GALNT15: variants seen among roughly 807,000 people sequenced by gnomAD.
The protein encoded by GALNT15 is UDP-GalNAc transferase T15.
GALNT15 carries 67 observed loss-of-function variants against 66.8 expected under a neutral mutation model. That is an observed-to-expected ratio of 1.00 (90% CI 0.82 to 1.23). The LOEUF (loss-of-function observed/expected upper bound fraction) is 1.23, where lower values mean the gene tolerates loss of function less well. Ranked by LOEUF, GALNT15 falls within the 50% of genes most tolerant of loss-of-function variation. GALNT15 has a pLI of 0.00. For synonymous variants in GALNT15, 313 were observed against 311.5 expected, an observed-to-expected ratio of 1.00 and a Z score of -0.05; for missense variants, 827 against 804.3, an observed-to-expected ratio of 1.03 and a Z score of -0.34.
intron 1 of GALNT15, among the ~76,000 whole-genome samples, chr3:16,190,322 C>T (rs935636735): frequency 1.3e-5 from 2 of 152,180 alleles, no homozygotes; most frequent in Non-Finnish European, 2.9e-5. Context: ...CAGGCTCCCC[C>T]TCCAGCCCAC....
the GALNT15 span, among the ~76,000 whole-genome samples, chr3:16,238,195 A>G: frequency 6.6e-6 from 1 of 152,204 alleles, no homozygotes; most frequent in African/African-American, 2.4e-5. This position sits in a 1 kb window ranked among gnomAD's most constrained non-coding sequence, Gnocchi z 4.8. Context: ...AGAAAAAACC[A>G]GGAGTTAGGA....
At chr3:16,196,243 C>T (rs113974054) in intron 2 of GALNT15, among the ~76,000 whole-genome samples, 2 of 152,144 alleles carry the variant, frequency 1.3e-5, no homozygotes, top group African/African-American at 4.8e-5. Flanking sequence ...CAACAATCCT[C>T]TCTCCAAGAC....
rs1197042680 is a variant in GALNT15, at chr3:16,195,968, C to A, written c.706+42C>A. 6 of 1,597,306 alleles carry A rather than the reference C, an allele frequency of 3.8e-6. No individual in the cohort carries two copies. Among genetic ancestry groups the A allele is most frequent in the Non-Finnish European group, 5.1e-6 (6 of 1,168,770 alleles). On this transcript the variant is annotated intron_variant, in intron 2 of 9. Coordinates refer to ENST00000339732, the MANE Select transcript of GALNT15 (RefSeq NM_054110.5). This position sits in a 1 kb window ranked among gnomAD's most constrained non-coding sequence, Gnocchi z 4.6. ...TCCAGGCTCGTCTGGGTGAGCCTTACCCCCTGGCGGGTGGAGTTCTCAAGC... is the reference window on the plus strand; with the variant it reads ...TCCAGGCTCGTCTGGGTGAGCCTTAACCCCTGGCGGGTGGAGTTCTCAAGC...
chr3:16,237,614 A>G, the GALNT15 span, among the ~76,000 whole-genome samples: 1 of 152,230 alleles, frequency 6.6e-6, no homozygotes, highest in Non-Finnish European at 1.5e-5. The surrounding 1 kb of genome is among the most constrained non-coding windows in gnomAD (Gnocchi z 4.2). Context: ...TGGAAGCCAC[A>G]GTTGAGGCCT....
chr3:16,205,018 C>G (rs1042777038), intron 3 of GALNT15, among the ~76,000 whole-genome samples: 5 of 152,298 alleles, frequency 3.3e-5, no homozygotes, highest in African/African-American at 2.4e-5. Flanking sequence ...TCCTGCCCCC[C>G]CAGAGGGAGC....
downstream of GALNT15, among the ~76,000 whole-genome samples, chr3:16,234,200 C>G (rs1698295784): frequency 1.3e-5 from 2 of 152,198 alleles, no homozygotes; most frequent in Admixed American, 6.5e-5. Flanking sequence ...CCTCTAACAC[C>G]AGAGGCTATA....
Position 16,186,067 on chromosome 3 carries a change from C to T in GALNT15, c.540-9693C>T, listed in dbSNP as rs2063513901. Among the ~76,000 whole-genome samples, 1 of 151,924 alleles carries T rather than the reference C, an allele frequency of 6.6e-6. No individual in the cohort carries two copies. Among genetic ancestry groups the T allele is most frequent in the African/African-American group, 2.4e-5 (1 of 41,336 alleles). ...CTATATTGCATAAGAGATTTGTATCCAAAATACAAAAAGAACCCTTACAAC... is the reference window on the plus strand; with the variant it reads ...CTATATTGCATAAGAGATTTGTATCTAAAATACAAAAAGAACCCTTACAAC... On this transcript the variant is annotated intron_variant, in intron 1 of 9. Coordinates refer to ENST00000339732, the MANE Select transcript of GALNT15 (RefSeq NM_054110.5). The surrounding 1 kb of genome is among the most constrained non-coding windows in gnomAD (Gnocchi z 5.1).
rs529155417 is a variant in GALNT15, at chr3:16,180,762, C to T, written c.539+5072C>T. Reference sequence around the variant, plus strand: ...ATGGCCCCGGCAGTTTGTCCCTAAACATAAATGTCAACTCAGCGGTAGCTG... The same window carrying T: ...ATGGCCCCGGCAGTTTGTCCCTAAATATAAATGTCAACTCAGCGGTAGCTG... On this transcript the variant is annotated intron_variant, in intron 1 of 9. Transcript: ENST00000339732. This position sits in a 1 kb window ranked among gnomAD's most constrained non-coding sequence, Gnocchi z 5.0. Among the ~76,000 whole-genome samples the T allele has an allele frequency of 3.9e-5, 6 of 152,356 alleles. No individual in the cohort carries two copies. In the South Asian group the frequency reaches 6.2e-4, roughly 16 times the overall value.
chr3:16,226,841 C>T (rs2064025429), intron 9 of GALNT15, among the ~76,000 whole-genome samples: 1 of 152,152 alleles, frequency 6.6e-6, no homozygotes, highest in Admixed American at 6.5e-5. Context: ...AGATTGGAGT[C>T]AATATTAAAT....
At position 16,211,079 on chromosome 3, in the gene GALNT15, C is replaced by T. The variant is rs1327024322; in HGVS notation, c.1080-45C>T. ...CCAGCCCCCAGCCTCGCCTGCTGTGCTCTGGGTTCTGAACTGCAGTGTCCT... is the reference window on the plus strand; with the variant it reads ...CCAGCCCCCAGCCTCGCCTGCTGTGTTCTGGGTTCTGAACTGCAGTGTCCT... On this transcript the variant is annotated intron_variant, in intron 4 of 9. Transcript: ENST00000339732. The surrounding 1 kb of genome is among the most constrained non-coding windows in gnomAD (Gnocchi z 4.3). 1.4e-6 allele frequency: 2 copies of T among 1,427,430 alleles called. No homozygotes were observed. The highest frequency in any genetic ancestry group is 3.4e-5 in the Admixed American group (2 of 59,640). 88.4% of individuals were successfully genotyped at this position (1,427,430 alleles called of 1,614,324 possible).
intron 2 of GALNT15, among the ~76,000 whole-genome samples, chr3:16,197,131 G>A (rs763992006): frequency 3.9e-5 from 6 of 152,212 alleles, no homozygotes; most frequent in East Asian, 1.9e-4. Context: ...GGCGGGGTCC[G>A]CCCAAGAGCA....
chr3:16,185,323 A>T (rs2063506423), intron 1 of GALNT15, among the ~76,000 whole-genome samples: 2 of 152,216 alleles, frequency 1.3e-5, no homozygotes, highest in Non-Finnish European at 1.5e-5. Flanking sequence ...TGTATTCTTC[A>T]TGAGGAGGAA....
At position 16,203,958 on chromosome 3, in the gene GALNT15, C is replaced by T. The variant is rs373958985; in HGVS notation, c.911+3135C>T. On this transcript the variant is annotated intron_variant, in intron 3 of 9. Transcript: ENST00000339732. This position sits in a 1 kb window ranked among gnomAD's most constrained non-coding sequence, Gnocchi z 6.2. The stretch of plus-strand genomic sequence containing the variant: ...CTCCTCACATGGAGAGGAGAGGGGG[C>T]CCAGCTGTCTCCAAGGCTTGTGTCA... Among the ~76,000 whole-genome samples the T allele has an allele frequency of 3.2e-4, 49 of 152,114 alleles. No homozygotes were observed. The East Asian group carries it at 3.3e-3, about 10-fold the overall frequency.
chr3:16,240,229 C>A, the GALNT15 span, among the ~76,000 whole-genome samples: 1 of 152,134 alleles, frequency 6.6e-6, no homozygotes, highest in Non-Finnish European at 1.5e-5. Context: ...TTATAATGCC[C>A]TTTCCAGAGT....
At chr3:16,232,469 A>AATAT (rs374444719), downstream of GALNT15, among the ~76,000 whole-genome samples, 144 of 38,700 alleles carry the variant, frequency 3.7e-3, 3 homozygotes, top group Non-Finnish European at 6.1e-3. Context: ...TAAATAAATA[A>AATAT]ATATATATAT....
At chr3:16,202,715 C>T (rs549273375) in intron 3 of GALNT15, among the ~76,000 whole-genome samples, 4 of 152,236 alleles carry the variant, frequency 2.6e-5, no homozygotes, top group East Asian at 1.9e-4. Flanking sequence ...GAAATCAGAG[C>T]GATGTCTATC....
chr3:16,217,254 C>G (rs747811723), intron 6 of GALNT15, among the ~76,000 whole-genome samples: 1 of 152,134 alleles, frequency 6.6e-6, no homozygotes, highest in African/African-American at 2.4e-5. Flanking sequence ...CTTCTTATAT[C>G]CATTTGGGTG....
At position 16,195,267 on chromosome 3, in the gene GALNT15, A is replaced by T. The variant is rs146106563; in HGVS notation, c.540-493A>T. Among the ~76,000 whole-genome samples, 1 of 152,320 alleles carries T rather than the reference A, an allele frequency of 6.6e-6. No individual in the cohort carries two copies. Among genetic ancestry groups the T allele is most frequent in the Non-Finnish European group, 1.5e-5 (1 of 68,024 alleles). On this transcript the variant is annotated intron_variant, in intron 1 of 9. Coordinates refer to ENST00000339732, the MANE Select transcript of GALNT15 (RefSeq NM_054110.5). The surrounding 1 kb of genome is among the most constrained non-coding windows in gnomAD (Gnocchi z 4.6). The stretch of plus-strand genomic sequence containing the variant: ...GCCAAAGACTAGAGCAGAGGTTCTC[A>T]AAGTGTGGTCCACAGAAAACAGCAG...
rs1164976010 is a variant in GALNT15 at position 16,203,543 on chromosome 3, TCACACACACACACACACACACA to T, written c.911+2745_911+2766del. Among the ~76,000 whole-genome samples the T allele has an allele frequency of 1.6e-5, 1 of 61,106 alleles. No individual in the cohort carries two copies. Among genetic ancestry groups the T allele is most frequent in the African/African-American group, 5.5e-5 (1 of 18,252 alleles). 40.1% of individuals were successfully genotyped at this position (61,106 alleles called of 152,430 possible). On this transcript the variant is annotated intron_variant, in intron 3 of 9. Transcript: ENST00000339732. The surrounding 1 kb of genome is among the most constrained non-coding windows in gnomAD (Gnocchi z 6.2). The stretch of plus-strand genomic sequence containing the variant: ...CATTCTCTCTCTCTCTCTCTCTCTC[TCACACACACACACACACACACA>T]CACACACACACACACACACACACAG...
Sources: allele counts gnomAD v4.1 joint callset (sites outside exome capture counted in the v4.1 genomes callset), GRCh38; gene constraint gnomAD v4.1.1; non-coding constraint Gnocchi (gnomAD v3.1); transcripts MANE v1.5; gene names NCBI Gene and HGNC (gene_info 2026-07-23, HGNC 2026-07-21).